The following P2RY14 variants were observed in gnomAD, a reference collection of about 807,000 sequenced individuals.
The protein encoded by P2RY14 is purinergic receptor P2Y14, also known as P2Y purinoceptor 14.
In P2RY14, 2 loss-of-function variants were observed where a neutral mutation model predicts 0.9. That is an observed-to-expected ratio of 2.16 (90% CI 0.88 to 6.79). P2RY14 has a LOEUF of 6.79. P2RY14 is among the 30% of genes most tolerant of loss of function. P2RY14 has a pLI of 0.05. For missense variants in P2RY14, 378 were observed against 400.1 expected (o/e 0.94, Z 0.47); for synonymous variants, 158 against 147.2 (o/e 1.07, Z -0.53).
rs1202615689 is a variant in P2RY14 at position 151,212,893 on chromosome 3, G to A, written c.*407C>T. The A allele has an allele frequency of 6.5e-6, 1 of 152,708 alleles. No homozygotes were observed. The highest frequency in any genetic ancestry group is 1.5e-5 in the Non-Finnish European group (1 of 68,826). 9.5% of individuals were successfully genotyped at this position (152,708 alleles called of 1,614,324 possible). A position where few individuals can be genotyped will look rare whatever the true frequency, so the allele number is the denominator to read the frequency against. ...CAAGTTAGTCTTTAAGGACAGTGTT[G>A]AAAACAATTACATACTAGATTCTGG... On this transcript the variant is annotated 3_prime_UTR_variant, in exon 3 of 3. Coordinates refer to ENST00000309170, the MANE Select transcript of P2RY14 (RefSeq NM_014879.4).
At position 151,229,499 on chromosome 3, in the gene P2RY14, G is replaced by A. The variant is rs1362927152; in HGVS notation, c.-132-9857C>T. Among the ~76,000 whole-genome samples, 36 of 115,598 alleles carry A rather than the reference G, an allele frequency of 3.1e-4. 1 individual carries two copies. The highest frequency in any genetic ancestry group is 1.1e-3 in the African/African-American group (35 of 31,384). The allele number at this position is 115,598 out of a possible 152,430, so 75.8% of individuals were successfully genotyped here. A position where few individuals can be genotyped will look rare whatever the true frequency, so the allele number is the denominator to read the frequency against. ...TTTTTTTTTTTTTTTTTTTTTTTGAGACGGAGTCTCACTTTGTCGCCCAGG... is the reference window on the plus strand; with the variant it reads ...TTTTTTTTTTTTTTTTTTTTTTTGAAACGGAGTCTCACTTTGTCGCCCAGG... On this transcript the variant is annotated intron_variant, in intron 1 of 2. Transcript: ENST00000309170.
At chr3:151,248,895 G>A (rs1577117839) in intron 1 of P2RY14, 1 of 152,248 alleles carries the variant, frequency 6.6e-6, no homozygotes, top group South Asian at 2.1e-4. Context: ...GTTCTCTGTA[G>A]GCAAGATAGG....
chr3:151,227,220 A>G (rs1577034500), intron 1 of P2RY14, among the ~76,000 whole-genome samples: 1 of 152,362 alleles, frequency 6.6e-6, no homozygotes, highest in East Asian at 1.9e-4. Context: ...AAGTTTTCAC[A>G]TTAGAAATAT....
At chr3:151,261,161 A>G (rs1258759249) in intron 1 of P2RY14, among the ~76,000 whole-genome samples, 1 of 152,122 alleles carries the variant, frequency 6.6e-6, no homozygotes, top group Non-Finnish European at 1.5e-5. Context: ...ACTAAATTAT[A>G]CTGTTCCCCA....
intron 1 of P2RY14, among the ~76,000 whole-genome samples, chr3:151,240,040 T>C (rs1210718090): frequency 2.7e-3 from 9 of 3,348 alleles, no homozygotes; most frequent in Admixed American, 0.021. Flanking sequence ...TCTCCCACCT[T>C]TTTTTTTTTT....
chr3:151,231,512 T>C (rs768231508), intron 1 of P2RY14, among the ~76,000 whole-genome samples: 7 of 152,144 alleles, frequency 4.6e-5, no homozygotes, highest in Non-Finnish European at 7.3e-5. Context: ...ATAAACTGTA[T>C]CAAAAATCTT....
Position 151,238,439 on chromosome 3 carries a change from G to A in P2RY14, c.-132-18797C>T, listed in dbSNP as rs545024288. Among the ~76,000 whole-genome samples the A allele has an allele frequency of 4.6e-5, 7 of 152,318 alleles. No individual in the cohort carries two copies. In the East Asian group the frequency reaches 5.8e-4, roughly 13 times the overall value. The stretch of plus-strand genomic sequence containing the variant: ...TGGGATTACAGGCGTGAGCCACCGC[G>A]CCCAGCCTGGAACAGTGGTTTTTAA... On this transcript the variant is annotated intron_variant, in intron 1 of 2. Transcript: ENST00000309170.
At chr3:151,259,759 G>T (rs1451123667) in intron 1 of P2RY14, among the ~76,000 whole-genome samples, 6 of 152,128 alleles carry the variant, frequency 3.9e-5, no homozygotes, top group Non-Finnish European at 8.8e-5. Context: ...ACTTAAACGA[G>T]CTCATAGCAT....
chr3:151,278,028 G>T (rs1172000848), intron 1 of P2RY14, among the ~76,000 whole-genome samples: 1 of 152,116 alleles, frequency 6.6e-6, no homozygotes, highest in Non-Finnish European at 1.5e-5. Flanking sequence ...CTTCATCACA[G>T]ATATATTTTG....
chr3:151,269,664 G>T (rs1740511418), intron 1 of P2RY14: 6 of 406,630 alleles, frequency 1.5e-5, no homozygotes, highest in African/African-American at 1.1e-4. Flanking sequence ...ACAGAATTTG[G>T]AGGTATTAAA....
chr3:151,242,489 AC>A (rs1243311697), intron 1 of P2RY14, among the ~76,000 whole-genome samples: 2 of 152,174 alleles, frequency 1.3e-5, no homozygotes, highest in African/African-American at 2.4e-5. Context: ...ACTGGGAGGC[AC>A]CCCCCAGCAG....
intron 1 of P2RY14, among the ~76,000 whole-genome samples, chr3:151,225,762 C>T (rs567523035): frequency 6.6e-6 from 1 of 152,212 alleles, no homozygotes; most frequent in East Asian, 1.9e-4. Flanking sequence ...TATCTTTTTT[C>T]ATTACCCACA....
intron 1 of P2RY14, among the ~76,000 whole-genome samples, chr3:151,232,688 A>C (rs1414646775): frequency 6.6e-6 from 1 of 152,224 alleles, no homozygotes; most frequent in Non-Finnish European, 1.5e-5. Context: ...ACAAAGGAAC[A>C]GAAAACCAAA....
chr3:151,223,175 C>CAAAAAA (rs10646837), intron 1 of P2RY14, among the ~76,000 whole-genome samples: 1,893 of 127,020 alleles, frequency 0.015, 54 homozygotes, highest in African/African-American at 0.052. Context: ...TTAAAAAGTC[C>CAAAAAA]AAAAAAAAAA....
At chr3:151,242,023 G>C (rs1734222093) in intron 1 of P2RY14, among the ~76,000 whole-genome samples, 1 of 152,160 alleles carries the variant, frequency 6.6e-6, no homozygotes, top group African/African-American at 2.4e-5. Context: ...GACGGCACCT[G>C]GAAAATCGGG....
intron 1 of P2RY14, among the ~76,000 whole-genome samples, chr3:151,229,453 CG>C (rs1167919604): frequency 1.4e-5 from 2 of 147,570 alleles, no homozygotes; most frequent in Non-Finnish European, 3.0e-5. Context: ...ACTACAGGCT[CG>C]TGCCACCATG....
intron 2 of P2RY14, among the ~76,000 whole-genome samples, chr3:151,215,714 A>G (rs1728080610): frequency 6.6e-6 from 1 of 152,180 alleles, no homozygotes. Flanking sequence ...GAACAGTACC[A>G]ATTATCCTGC....
At chr3:151,243,625 A>G (rs1454300494) in intron 1 of P2RY14, among the ~76,000 whole-genome samples, 9 of 151,826 alleles carry the variant, frequency 5.9e-5, no homozygotes, top group Non-Finnish European at 8.9e-5. Context: ...AGCGCTAAAC[A>G]TGGAAAGGAA....
rs1728931145 is a variant in P2RY14, at chr3:151,219,647, A to G, written c.-132-5T>C. ...AGTGTTTTTTCATTAAAGATCCTGC[A>G]TTACACAAAACAAAAAACCAAAGAT... On this transcript the variant is annotated splice_region_variant and splice_polypyrimidine_tract_variant and intron_variant, in intron 1 of 2. Transcript: ENST00000309170. 6.6e-6 allele frequency: 1 copy of G among 152,206 alleles called. No individual in the cohort carries two copies. Among genetic ancestry groups the G allele is most frequent in the Admixed American group, 6.5e-5 (1 of 15,282 alleles). 9.4% of individuals were successfully genotyped at this position (152,206 alleles called of 1,614,324 possible). A position where few individuals can be genotyped will look rare whatever the true frequency, so the allele number is the denominator to read the frequency against.
Sources: allele counts gnomAD v4.1 joint callset (sites outside exome capture counted in the v4.1 genomes callset), GRCh38; gene constraint gnomAD v4.1.1; transcripts MANE v1.5; gene names NCBI Gene and HGNC (gene_info 2026-07-23, HGNC 2026-07-21).